Variants in SLC4A9 observed in about 807,000 individuals in gnomAD.
SLC4A9 encodes solute carrier family 4 member 9.
A neutral mutation model predicts 103.2 loss-of-function variants in SLC4A9; 102 were observed. The observed-to-expected ratio is 0.99, with a 90% CI of 0.84 to 1.17. The LOEUF (loss-of-function observed/expected upper bound fraction) is 1.17. SLC4A9 is among the 50% of genes most tolerant of loss of function. SLC4A9 has a pLI of 0.00. For missense variants in SLC4A9, 1,091 were observed against 1,193.7 expected, an observed-to-expected ratio of 0.91 and a Z score of 1.27; for synonymous variants, 453 against 483.6, an observed-to-expected ratio of 0.94 and a Z score of 0.83.
In SLC4A9 at chr5:140,361,324, AC is replaced by A; in HGVS notation, c.466del (p.Gln156SerfsTer29). 1 of 1,566,410 alleles carries A rather than the reference AC, an allele frequency of 6.4e-7. No individual in the cohort carries two copies. The highest frequency in any genetic ancestry group is 8.7e-7 in the Non-Finnish European group (1 of 1,155,478). Reference protein sequence around the residue: ...GQLQALLLQRPQHYNQTTGTR... With the variant: ...GQLQALLLQRXQHYNQTTGTR... ...AGTTGCAGGCCTTGCTGCTGCAGAG[AC>A]CCCAGCATTACAACCAGACCACAGG... On this transcript the variant is annotated frameshift_variant, in exon 3 of 22. Coordinates refer to ENST00000506757, the MANE Select transcript of SLC4A9 (RefSeq NM_031467.3). LOFTEE classifies it high-confidence loss of function.
At chr5:140,362,360 G>A in intron 5 of SLC4A9, 85 bp from the exon 6 acceptor site, 1 of 1,383,808 alleles carries the variant, frequency 7.2e-7, no homozygotes, top group African/African-American at 1.4e-5. Flanking sequence ...TATGGGAGCT[G>A]ATAGGTCAGA....
At chr5:140,368,539 C>G in intron 16 of SLC4A9, 48 bp from the exon 17 acceptor site, 1 of 1,549,768 alleles carries the variant, frequency 6.5e-7, no homozygotes. Context: ...AGTCTGGATA[C>G]CCCAGGGACT....
At chr5:140,371,213 C>A in intron 18 of SLC4A9, 50 bp downstream of exon 18, 1 of 1,564,128 alleles carries the variant, frequency 6.4e-7, no homozygotes, top group Admixed American at 1.9e-5. Context: ...AATAAAAAGA[C>A]AAACAAAAAA....
chr5:140,367,753 G>T lies in SLC4A9; in HGVS notation c.2209G>T (p.Val737Leu), dbSNP rs757653507. ...GAGFHLDLFC[V>L]AVLMLLTSAL... ...TGGCTTCCACCTGGACCTCTTCTGT[G>T]TGGCTGTGCTGATGCTACTCACATC... Residue 737 changes from valine to leucine, a missense_variant, in exon 16 of 22, where the codon GTG becomes TTG. Coordinates refer to ENST00000506757, the MANE Select transcript of SLC4A9 (RefSeq NM_031467.3). The T allele has an allele frequency of 6.2e-7, 1 of 1,613,996 alleles. No individual in the cohort carries two copies. Among genetic ancestry groups the T allele is most frequent in the Non-Finnish European group, 8.5e-7 (1 of 1,179,898 alleles).
chr5:140,369,280 C>CAAAAAAAAAA (rs575452593), intron 17 of SLC4A9, among the ~76,000 whole-genome samples: 1 of 97,716 alleles, frequency 1.0e-5, no homozygotes, highest in African/African-American at 3.9e-5. Flanking sequence ...AAGAATGTCT[C>CAAAAAAAAAA]AAAAAAAAAA....
In SLC4A9 at chr5:140,364,123, C is replaced by G; in HGVS notation, c.1324C>G (p.Leu442Val). The change falls in exon 10 of 22, where the codon CTC becomes GTC. Residue 442 changes from leucine (L) to valine (V), a missense_variant. Leu to Val is a conservative substitution (Grantham distance 32). Coordinates refer to ENST00000506757, the MANE Select transcript of SLC4A9 (RefSeq NM_031467.3). Reference protein sequence around the residue: ...AAFCLMAGQPLTILSSTGPVL... With the variant: ...AAFCLMAGQPVTILSSTGPVL... ...CTTCTGCCTGATGGCAGGCCAGCCC[C>G]TCACCATTCTGAGCAGCACGGGGCC... The G allele has an allele frequency of 6.3e-7, 1 of 1,594,208 alleles. No homozygotes were observed. Among genetic ancestry groups the G allele is most frequent in the South Asian group, 1.1e-5 (1 of 88,614 alleles).
At position 140,363,105 on chromosome 5, in the gene SLC4A9, T is replaced by C. The variant is rs1767350949; in HGVS notation, c.962+39T>C. On this transcript the variant is annotated intron_variant, in intron 7 of 21. Coordinates refer to ENST00000506757, the MANE Select transcript of SLC4A9 (RefSeq NM_031467.3). This position sits in a 1 kb window ranked among gnomAD's most constrained non-coding sequence, Gnocchi z 4.5. Reference sequence around the variant, plus strand: ...ATCATCCCATACAGATTCCTGCCCATATAGGCCCTGGGTCTAATTCCATTG... The same window carrying C: ...ATCATCCCATACAGATTCCTGCCCACATAGGCCCTGGGTCTAATTCCATTG... 3 of 1,599,222 alleles carry C rather than the reference T, an allele frequency of 1.9e-6. No individual in the cohort carries two copies. Among genetic ancestry groups the C allele is most frequent in the African/African-American group, 1.4e-5 (1 of 73,968 alleles).
chr5:140,372,316 G>A lies in SLC4A9; in HGVS notation c.2745G>A (p.Glu915=), dbSNP rs749741751. Residue 915 remains glutamate, a synonymous_variant, in exon 20 of 22, where the codon GAG becomes GAA. Coordinates refer to ENST00000506757, the MANE Select transcript of SLC4A9 (RefSeq NM_031467.3). ...CACAGGAACTCCTCTGGCTGGATGA[G>A]CTGATGCCAGAGGAGGAGAGAAGCA... ...FSPQELLWLD[E]LMPEEERSIP... 1 of 1,609,932 alleles carries A rather than the reference G, an allele frequency of 6.2e-7. No homozygotes were observed. The highest frequency in any genetic ancestry group is 8.5e-7 in the Non-Finnish European group (1 of 1,178,910).
intron 16 of SLC4A9, among the ~76,000 whole-genome samples, 191 bp downstream of exon 16, chr5:140,368,089 G>A (rs1437610333): frequency 1.3e-5 from 2 of 152,170 alleles, no homozygotes; most frequent in Non-Finnish European, 2.9e-5. Flanking sequence ...CAGCCATGGG[G>A]ACTGGGAGGG....
At position 140,373,158 on chromosome 5, in the gene SLC4A9, A is replaced by G. The variant is rs189100442; in HGVS notation, c.*45+315A>G. ...AGAATGGGAAAGAGTGGGAAGGAAG[A>G]GGAAGGGAGGAGAAAGCCTGGTGCT... On this transcript the variant is annotated intron_variant, in intron 21 of 21. Coordinates refer to ENST00000506757, the MANE Select transcript of SLC4A9 (RefSeq NM_031467.3). Among the ~76,000 whole-genome samples the G allele has an allele frequency of 1.0e-3, 152 of 151,798 alleles. No homozygotes were observed. In the Middle Eastern group the frequency reaches 0.014, roughly 14 times the overall value.
intron 17 of SLC4A9, among the ~76,000 whole-genome samples, chr5:140,370,478 C>A (rs577951694): frequency 0.016 from 2,295 of 146,970 alleles, 61 homozygotes; most frequent in African/African-American, 0.054. Context: ...AAAAAAAAAA[C>A]AAAAACAAAA....
intron 2 of SLC4A9, 137 bp from the exon 3 acceptor site, chr5:140,361,117 C>A: frequency 8.4e-7 from 1 of 1,189,482 alleles, no homozygotes; most frequent in Non-Finnish European, 1.2e-6. Flanking sequence ...CATGGAAAAG[C>A]AGGGTGGAGG....
chr5:140,361,761 A>G (rs1756237156), intron 3 of SLC4A9, 47 bp from the exon 4 acceptor site: 4 of 1,604,020 alleles, frequency 2.5e-6, no homozygotes, highest in Non-Finnish European at 3.4e-6. Flanking sequence ...TGGTGGATCC[A>G]CCCCCAAAGC....
At position 140,362,175 on chromosome 5, in the gene SLC4A9, G is replaced by A; in HGVS notation, c.719+1G>A. 2.6e-6 allele frequency: 4 copies of A among 1,528,552 alleles called. No individual in the cohort carries two copies. The highest frequency in any genetic ancestry group is 3.5e-6 in the Non-Finnish European group (4 of 1,144,618). 94.7% of individuals were successfully genotyped at this position (1,528,552 alleles called of 1,614,324 possible). On this transcript the variant is annotated splice_donor_variant, in intron 5 of 21. Transcript: ENST00000506757. LOFTEE classifies it high-confidence loss of function. The stretch of plus-strand genomic sequence containing the variant: ...TTACTGAGGTGTCCCTCCCAAGCAG[G>A]TGAGGCTACTGAGTGAGTGGGAGTC...
At chr5:140,370,079 G>C (rs750926410) in intron 17 of SLC4A9, among the ~76,000 whole-genome samples, 3 of 152,074 alleles carry the variant, frequency 2.0e-5, no homozygotes, top group Non-Finnish European at 4.4e-5. Context: ...CACATGCCAC[G>C]CACTGTTCTA....
At chr5:140,367,309 C>A in intron 14 of SLC4A9, 111 bp from the exon 15 acceptor site, 2 of 1,310,502 alleles carry the variant, frequency 1.5e-6, no homozygotes, top group Non-Finnish European at 2.1e-6. Context: ...CCACTAGCAT[C>A]TAGTGACTTG....
Position 140,372,883 on chromosome 5 carries a change from G to A in SLC4A9, c.*45+40G>A, listed in dbSNP as rs1768933802. The A allele has an allele frequency of 2.3e-6, 3 of 1,285,984 alleles. No homozygotes were observed. The East Asian group carries it at 7.8e-5, about 33-fold the overall frequency. The allele number at this position is 1,285,984 out of a possible 1,614,324, so 79.7% of individuals were successfully genotyped here. ...GAAGTGCTCCTGATGTTGAGGATGG[G>A]AGGTGCGGGTTCAGACCTTGGAACT... On this transcript the variant is annotated intron_variant, in intron 21 of 21. Coordinates refer to ENST00000506757, the MANE Select transcript of SLC4A9 (RefSeq NM_031467.3).
At chr5:140,371,760 G>A (rs1768764179) in intron 19 of SLC4A9, 136 bp downstream of exon 19, 2 of 1,054,332 alleles carry the variant, frequency 1.9e-6, no homozygotes, top group African/African-American at 1.6e-5. Flanking sequence ...GGAATCCTAA[G>A]ACAAAGAAAA....
At chr5:140,360,674 G>T in intron 1 of SLC4A9, 138 bp from the exon 2 acceptor site, 1 of 1,402,348 alleles carries the variant, frequency 7.1e-7, no homozygotes, top group Non-Finnish European at 9.8e-7. Flanking sequence ...AGGGGTGACT[G>T]CCAGGGTGGG....
Sources: gnomAD v4.1 joint callset for allele counts (sites outside exome capture counted in the v4.1 genomes callset) on GRCh38, gnomAD v4.1.1 for gene constraint, Gnocchi (gnomAD v3.1) non-coding constraint, MANE v1.5 for transcripts, NCBI Gene and HGNC (gene_info 2026-07-23, HGNC 2026-07-21) for gene names.